The following MARCHF1 variants were observed in gnomAD, a reference collection of about 807,000 sequenced individuals.
MARCHF1 encodes membrane associated ring-CH-type finger 1.
MARCHF1 carries 40 observed loss-of-function variants against 54.2 expected under a neutral mutation model. The ratio of observed to expected loss-of-function variants is 0.74; its 90% CI spans 0.57 to 0.96. The LOEUF (loss-of-function observed/expected upper bound fraction) is 0.96, where lower values mean the gene tolerates loss of function less well. MARCHF1 is among the 40% of genes least tolerant of loss of function. MARCHF1 has a pLI of 0.00. For synonymous variants in MARCHF1, 236 were observed against 236.3 expected (o/e 1.00, Z 0.01); for missense variants, 586 against 656.5 (o/e 0.89, Z 1.17).
intron 4 of MARCHF1, among the ~76,000 whole-genome samples, chr4:163,733,954 A>C (rs777506168): frequency 2.0e-5 from 3 of 152,162 alleles, no homozygotes; most frequent in Non-Finnish European, 2.9e-5. Flanking sequence ...TTTGATGCTC[A>C]ATAATAAGAG....
intron 1 of MARCHF1, among the ~76,000 whole-genome samples, chr4:164,284,949 G>A (rs1734108056): frequency 6.7e-6 from 1 of 148,728 alleles, no homozygotes; most frequent in East Asian, 2.1e-4. Context: ...CTTTATAATG[G>A]CTGATTTTGT....
intron 5 of MARCHF1, among the ~76,000 whole-genome samples, chr4:163,677,720 A>G (rs1297344162): frequency 3.3e-5 from 5 of 152,216 alleles, no homozygotes; most frequent in Admixed American, 3.3e-4. Context: ...CCACTAGTGT[A>G]AAAGCCCTAT....
intron 4 of MARCHF1, among the ~76,000 whole-genome samples, chr4:163,795,667 A>G (rs1747895238): frequency 6.6e-6 from 1 of 152,198 alleles, no homozygotes; most frequent in African/African-American, 2.4e-5. Flanking sequence ...ATTTTCCATT[A>G]TGATGGGGAT....
chr4:164,029,021 A>T (rs1338398923), intron 2 of MARCHF1, among the ~76,000 whole-genome samples: 1 of 152,164 alleles, frequency 6.6e-6, no homozygotes, highest in Non-Finnish European at 1.5e-5. Flanking sequence ...TGATTTTCTT[A>T]GTTTACTTTA....
At chr4:163,776,584 T>TTTGA (rs531010021) in intron 4 of MARCHF1, among the ~76,000 whole-genome samples, 24 of 152,232 alleles carry the variant, frequency 1.6e-4, no homozygotes, top group African/African-American at 5.5e-4. Context: ...GGTCTCATGT[T>TTTGA]TTGATTGATA....
At chr4:163,898,658 C>T (rs990514522) in intron 3 of MARCHF1, among the ~76,000 whole-genome samples, 2 of 152,106 alleles carry the variant, frequency 1.3e-5, no homozygotes, top group Admixed American at 6.5e-5. Flanking sequence ...AGAAATATCA[C>T]TCAACCTATA....
At chr4:163,556,884 A>AT (rs575344370) in intron 8 of MARCHF1, among the ~76,000 whole-genome samples, 7,787 of 144,082 alleles carry the variant, frequency 0.054, 238 homozygotes, top group East Asian at 0.1. Context: ...AAAACTGAAG[A>AT]TTTTTTTTTT....
At chr4:164,253,400 G>C (rs1733180252) in intron 1 of MARCHF1, among the ~76,000 whole-genome samples, 1 of 152,054 alleles carries the variant, frequency 6.6e-6, no homozygotes, top group Non-Finnish European at 1.5e-5. Context: ...GAAATAAGCT[G>C]TAAAATAAAG....
At chr4:164,028,788 C>T (rs141059829) in intron 2 of MARCHF1, among the ~76,000 whole-genome samples, 8 of 152,272 alleles carry the variant, frequency 5.3e-5, no homozygotes, top group African/African-American at 1.9e-4. Flanking sequence ...TTCAAGTACT[C>T]AGAAGATACA....
intron 8 of MARCHF1, chr4:163,555,836 C>A: frequency 2.4e-6 from 1 of 410,454 alleles, no homozygotes; most frequent in Non-Finnish European, 5.0e-6. Flanking sequence ...GTTGTGGGCT[C>A]TTCGCCTCTT....
rs72985826 is a variant in MARCHF1, at chr4:164,108,070, A to G, written c.-248+3518T>C. 5.3e-3 allele frequency among the ~76,000 whole-genome samples: 813 copies of G among 152,090 alleles called. 8 individuals are homozygous for G. Among genetic ancestry groups the G allele is most frequent in the African/African-American group, 0.019 (786 of 41,494 alleles). On this transcript the variant is annotated intron_variant, in intron 2 of 9. Transcript: ENST00000514618. The stretch of plus-strand genomic sequence containing the variant: ...GTCCTACCTTTTTTTTCTTATATCA[A>G]TTTATCAGAAAGTGATAGAATAGCA...
intron 3 of MARCHF1, among the ~76,000 whole-genome samples, chr4:163,980,149 G>A (rs1752732827): frequency 7.1e-6 from 1 of 141,740 alleles, no homozygotes; most frequent in Admixed American, 7.3e-5. Flanking sequence ...AAACAGCATG[G>A]TACTGGTACC....
At chr4:163,850,465 C>A (rs1749612347) in intron 4 of MARCHF1, among the ~76,000 whole-genome samples, 1 of 152,190 alleles carries the variant, frequency 6.6e-6, no homozygotes, top group Non-Finnish European at 1.5e-5. Context: ...CTTTCCAATA[C>A]CAGATTAAAT....
chr4:163,961,459 T>A (rs72687931), intron 3 of MARCHF1, among the ~76,000 whole-genome samples: 13,654 of 151,996 alleles, frequency 0.09, 731 homozygotes, highest in Non-Finnish European at 0.12. Context: ...TCCTGTTGAA[T>A]TTTAAAAAGA....
chr4:164,117,715 T>C (rs755164869), intron 1 of MARCHF1, among the ~76,000 whole-genome samples: 11 of 151,896 alleles, frequency 7.2e-5, no homozygotes, highest in Admixed American at 2.0e-4. Context: ...GCCTGGCCAA[T>C]GTGGAGAAAC....
intron 8 of MARCHF1, among the ~76,000 whole-genome samples, chr4:163,561,396 C>T (rs754570696): frequency 2.7e-4 from 41 of 152,090 alleles, no homozygotes; most frequent in Non-Finnish European, 4.9e-4. Context: ...AAATATTGTG[C>T]ACATCTGTGA....
chr4:163,792,973 C>G (rs1747810989), intron 4 of MARCHF1, among the ~76,000 whole-genome samples: 1 of 152,204 alleles, frequency 6.6e-6, no homozygotes, highest in Non-Finnish European at 1.5e-5. Flanking sequence ...TCTGTCTCCT[C>G]TCTAAAGCGA....
At chr4:163,619,649 C>T (rs10030322) in intron 5 of MARCHF1, among the ~76,000 whole-genome samples, 73,269 of 151,480 alleles carry the variant, frequency 0.48, 18,166 homozygotes, top group East Asian at 0.76. Flanking sequence ...AAATTTGCAT[C>T]TCTAGTTAGT....
intron 1 of MARCHF1, among the ~76,000 whole-genome samples, chr4:164,257,799 C>T (rs6846815): frequency 0.12 from 17,758 of 152,136 alleles, 1,627 homozygotes; most frequent in African/African-American, 0.25. Context: ...AAAACCCTGT[C>T]TCTACTAAAA....
Sources: gnomAD v4.1 joint callset for allele counts (sites outside exome capture counted in the v4.1 genomes callset) on GRCh38, gnomAD v4.1.1 for gene constraint, MANE v1.5 for transcripts, NCBI Gene and HGNC (gene_info 2026-07-23, HGNC 2026-07-21) for gene names.